BMPR1B: variants seen among roughly 807,000 people sequenced by gnomAD.
The protein encoded by BMPR1B is bone morphogenetic protein receptor type-1B.
In BMPR1B, 12 loss-of-function variants were observed where a neutral mutation model predicts 59.1. That is an observed-to-expected ratio of 0.20 (90% CI 0.13 to 0.33). The LOEUF is 0.33. Among genes scored for constraint, BMPR1B ranks in the 10% least tolerant of loss-of-function variants. The pLI, the probability that BMPR1B is intolerant of heterozygous loss-of-function variation, is 1.00. For synonymous variants in BMPR1B, 237 were observed against 207.3 expected (o/e 1.14, Z -1.23); for missense variants, 550 against 610.9 (o/e 0.90, Z 1.05).
chr4:94,902,247 C>T (rs201279538), intron 2 of BMPR1B, among the ~76,000 whole-genome samples: 1 of 84,732 alleles, frequency 1.2e-5, no homozygotes, highest in Non-Finnish European at 2.2e-5. Flanking sequence ...CACACACACA[C>T]ACAGAGAGAG....
chr4:95,012,541 G>T (rs1229428997), intron 3 of BMPR1B, among the ~76,000 whole-genome samples: 1 of 152,062 alleles, frequency 6.6e-6, no homozygotes, highest in Non-Finnish European at 1.5e-5. Context: ...TTAAGCATTT[G>T]TACTTAACCT....
At chr4:94,893,071 G>GT (rs1162750071) in intron 2 of BMPR1B, among the ~76,000 whole-genome samples, 4 of 151,696 alleles carry the variant, frequency 2.6e-5, no homozygotes, top group Non-Finnish European at 4.4e-5. Context: ...ACAATTTTAG[G>GT]TTTTTTTTGG....
intron 2 of BMPR1B, among the ~76,000 whole-genome samples, chr4:94,951,798 T>C (rs1174586122): frequency 6.6e-6 from 1 of 152,198 alleles, no homozygotes; most frequent in Non-Finnish European, 1.5e-5. Flanking sequence ...GGAGTCCTTC[T>C]TTTTCTTTGT....
intron 3 of BMPR1B, among the ~76,000 whole-genome samples, chr4:95,086,266 A>G (rs758672701): frequency 2.6e-5 from 4 of 152,138 alleles, no homozygotes; most frequent in Admixed American, 6.6e-5. Context: ...GTTTGTGTTT[A>G]ATAGAGGTTT....
At chr4:94,882,775 G>GT (rs1349051498) in intron 2 of BMPR1B, among the ~76,000 whole-genome samples, 4 of 152,096 alleles carry the variant, frequency 2.6e-5, no homozygotes, top group Non-Finnish European at 5.9e-5. Context: ...AGAATTAATT[G>GT]TTTTTTGTAA....
At chr4:95,007,561 T>G (rs1722933094) in intron 3 of BMPR1B, among the ~76,000 whole-genome samples, 1 of 152,212 alleles carries the variant, frequency 6.6e-6, no homozygotes, top group South Asian at 2.1e-4. Context: ...CCCCATTATT[T>G]GTAAGATATA....
At chr4:95,048,221 A>G (rs77940007) in intron 3 of BMPR1B, among the ~76,000 whole-genome samples, 5,242 of 152,146 alleles carry the variant, frequency 0.034, 126 homozygotes, top group South Asian at 0.061. Flanking sequence ...TTGATTTCAT[A>G]TCTTTTCTAC....
At chr4:95,075,830 T>C (rs1285154984) in intron 3 of BMPR1B, among the ~76,000 whole-genome samples, 1 of 152,154 alleles carries the variant, frequency 6.6e-6, no homozygotes, top group African/African-American at 2.4e-5. Context: ...TTTATATTAC[T>C]GTAAGGCTTC....
At position 95,154,607 on chromosome 4, in the gene BMPR1B, G is replaced by A. The variant is rs375459734; in HGVS notation, c.1443G>A (p.Arg481=). 103 of 1,613,990 alleles carry A rather than the reference G, an allele frequency of 6.4e-5. No individual in the cohort carries two copies. The Admixed American group carries it at 6.5e-4, about 10-fold the overall frequency. The change falls in exon 13 of 13, where the codon AGG becomes AGA. Residue 481 remains arginine (R), a synonymous_variant. Coordinates refer to ENST00000515059, the MANE Select transcript of BMPR1B (RefSeq NM_001203.3). ...GCTGGGCTCACAATCCTGCATCAAG[G>A]CTGACAGCCCTGCGGGTTAAGAAAA... ...TECWAHNPAS[R]LTALRVKKTL... is the part of the protein sequence containing the mutation.
chr4:94,787,228 A>T (rs755467994), intron 1 of BMPR1B, among the ~76,000 whole-genome samples: 19 of 152,106 alleles, frequency 1.2e-4, no homozygotes, highest in Non-Finnish European at 2.6e-4. Flanking sequence ...GAGGTTTTTT[A>T]TTCCCCTGCA....
At chr4:94,819,119 G>A (rs188570254) in intron 1 of BMPR1B, among the ~76,000 whole-genome samples, 1 of 152,118 alleles carries the variant, frequency 6.6e-6, no homozygotes, top group African/African-American at 2.4e-5. Flanking sequence ...CAGGGTGACA[G>A]AGTGAGAACC....
chr4:94,857,956 A>T (rs992692650), intron 1 of BMPR1B, among the ~76,000 whole-genome samples: 3 of 151,844 alleles, frequency 2.0e-5, no homozygotes, highest in African/African-American at 7.3e-5. Context: ...TTATTTTTTT[A>T]TTTTTTTGAG....
intron 3 of BMPR1B, among the ~76,000 whole-genome samples, chr4:95,036,342 A>G (rs552431108): frequency 6.6e-6 from 1 of 152,162 alleles, no homozygotes; most frequent in Non-Finnish European, 1.5e-5. Context: ...CTCATTAACC[A>G]TCTTCACTCT....
At chr4:95,107,170 T>C (rs1005526788) in intron 4 of BMPR1B, among the ~76,000 whole-genome samples, 1 of 151,986 alleles carries the variant, frequency 6.6e-6, no homozygotes, top group African/African-American at 2.4e-5. Context: ...ATTTAATGCT[T>C]GGGTAAAGGG....
chr4:94,775,865 G>A (rs1722345373), intron 1 of BMPR1B, among the ~76,000 whole-genome samples: 1 of 152,164 alleles, frequency 6.6e-6, no homozygotes, highest in South Asian at 2.1e-4. Flanking sequence ...GCGGAGGCGG[G>A]CAGATCGTGA....
intron 7 of BMPR1B, among the ~76,000 whole-genome samples, chr4:95,124,664 T>A (rs1016832220): frequency 2.0e-5 from 3 of 151,992 alleles, no homozygotes; most frequent in Non-Finnish European, 2.9e-5. Flanking sequence ...AGGAATAATA[T>A]TGGAGCTATT....
intron 1 of BMPR1B, among the ~76,000 whole-genome samples, chr4:94,818,851 G>T (rs1455862393): frequency 6.6e-6 from 1 of 152,186 alleles, no homozygotes; most frequent in Non-Finnish European, 1.5e-5. Flanking sequence ...TCTCTTATAG[G>T]CTAGGTGTGA....
chr4:94,824,562 C>T (rs1442228333), intron 1 of BMPR1B, among the ~76,000 whole-genome samples: 2 of 152,094 alleles, frequency 1.3e-5, no homozygotes, highest in African/African-American at 2.4e-5. Flanking sequence ...CTAAAAAGCT[C>T]ATTTGAATAA....
At chr4:94,991,693 A>G (rs1721769515) in intron 2 of BMPR1B, among the ~76,000 whole-genome samples, 1 of 152,206 alleles carries the variant, frequency 6.6e-6, no homozygotes, top group Non-Finnish European at 1.5e-5. Flanking sequence ...CCATGCTGTC[A>G]GAGACAAGAT....
Sources: allele counts gnomAD v4.1 joint callset (sites outside exome capture counted in the v4.1 genomes callset), GRCh38; gene constraint gnomAD v4.1.1; transcripts MANE v1.5; gene names NCBI Gene and HGNC (gene_info 2026-07-23, HGNC 2026-07-21).